AHI1: variants seen among roughly 807,000 people sequenced by gnomAD.
AHI1 encodes the protein jouberin.
AHI1 carries 123 observed loss-of-function variants against 149.3 expected under a neutral mutation model. That is an observed-to-expected ratio of 0.82 (90% confidence interval 0.71 to 0.96). The LOEUF (loss-of-function observed/expected upper bound fraction) is 0.96, where lower values mean the gene tolerates loss of function less well. Ranked by LOEUF, AHI1 falls within the 40% of genes least tolerant of loss-of-function variation. The pLI is 0.00. For missense variants in AHI1, 1,439 were observed against 1,422.7 expected (o/e 1.01, Z -0.18); for synonymous variants, 475 against 459.8 (o/e 1.03, Z -0.42).
At chr6:135,438,123 T>C (rs1317212008) in intron 15 of AHI1, among the ~76,000 whole-genome samples, 1 of 152,102 alleles carries the variant, frequency 6.6e-6, no homozygotes, top group Non-Finnish European at 1.5e-5. Context: ...ATTAATCAGT[T>C]TACATAATGA....
chr6:135,392,859 T>C (rs900200009), intron 23 of AHI1, among the ~76,000 whole-genome samples: 2 of 152,186 alleles, frequency 1.3e-5, no homozygotes, highest in Admixed American at 1.3e-4. Flanking sequence ...CTAGCTCACC[T>C]GGTTCCTAAG....
At chr6:135,481,390 G>C (rs1793615252) in intron 5 of AHI1, among the ~76,000 whole-genome samples, 1 of 151,888 alleles carries the variant, frequency 6.6e-6, no homozygotes, top group African/African-American at 2.4e-5. Context: ...GATTTCTTTG[G>C]ATTTTGTATA....
At chr6:135,450,959 A>C (rs1787996897) in intron 11 of AHI1, among the ~76,000 whole-genome samples, 1 of 151,948 alleles carries the variant, frequency 6.6e-6, no homozygotes, top group South Asian at 2.1e-4. Flanking sequence ...TACCAACAGG[A>C]TAGGTAATAA....
chr6:135,455,775 G>A lies in AHI1; in HGVS notation c.1303C>T (p.Arg435Ter), dbSNP rs121434349. 4 of 1,602,928 alleles carry A rather than the reference G, an allele frequency of 2.5e-6. No homozygotes were observed. Among genetic ancestry groups the A allele is most frequent in the Non-Finnish European group, 2.6e-6 (3 of 1,173,852 alleles). ...VFNENFPYLL[R>*]GSDESPKVIL... is the part of the protein sequence containing the mutation. ...ACTTTAGGACTCTCATCAGAGCCTC[G>A]AAGCAAATAGGGAAAATTTTCATTA... Residue 435 changes from arginine to a stop codon, truncating the protein, a stop_gained, in exon 10 of 29, where the codon CGA becomes TGA. Coordinates refer to ENST00000265602, the MANE Select transcript of AHI1 (RefSeq NM_001134831.2). LOFTEE classifies it high-confidence loss of function.
chr6:135,492,468 T>C, intron 3 of AHI1, 177 bp from the exon 4 acceptor site: 1 of 1,229,408 alleles, frequency 8.1e-7, no homozygotes, highest in South Asian at 3.6e-5. Context: ...TGAATCAGTT[T>C]AGGGCTCTAA....
At chr6:135,425,483 T>C (rs1274430760) in intron 20 of AHI1, among the ~76,000 whole-genome samples, 2 of 151,908 alleles carry the variant, frequency 1.3e-5, no homozygotes, top group Non-Finnish European at 2.9e-5. Context: ...CAAGCATATA[T>C]TGGTTGGATG....
At chr6:135,287,270 GAGA>G (rs1187652068) in intron 28 of AHI1, among the ~76,000 whole-genome samples, 3 of 152,082 alleles carry the variant, frequency 2.0e-5, no homozygotes, top group African/African-American at 7.3e-5. Context: ...GGACCTTCAG[GAGA>G]AGAACCCAAA....
Position 135,411,450 on chromosome 6 carries a change from T to C in AHI1, c.2859A>G (p.Pro953=). Residue 953 remains proline, a synonymous_variant, in exon 21 of 29, where the codon CCA becomes CCG. Coordinates refer to ENST00000265602, the MANE Select transcript of AHI1 (RefSeq NM_001134831.2). ...HQSQDALCTC[P]KLPHQGSFQI... Reference sequence around the variant, plus strand: ...GAAAAGAGCCTTGATGGGGTAGTTTTGGACAGGTACATAGGGCATCTTGAC... The same window carrying C: ...GAAAAGAGCCTTGATGGGGTAGTTTCGGACAGGTACATAGGGCATCTTGAC... 5.0e-6 allele frequency: 8 copies of C among 1,613,824 alleles called. No homozygotes were observed. The highest frequency in any genetic ancestry group is 6.8e-6 in the Non-Finnish European group (8 of 1,179,760).
intron 23 of AHI1, chr6:135,388,163 T>C (rs545085352): frequency 2.0e-6 from 2 of 988,084 alleles, no homozygotes; most frequent in Admixed American, 4.8e-5. Context: ...CCTATTAATC[T>C]ACAATAGTGA....
At chr6:135,496,283 A>T (rs1261434848) in intron 2 of AHI1, among the ~76,000 whole-genome samples, 1 of 151,974 alleles carries the variant, frequency 6.6e-6, no homozygotes, top group East Asian at 1.9e-4. Context: ...CACCCAGCTA[A>T]TTTTTGTATT....
chr6:135,327,896 A>G (rs7772557), intron 24 of AHI1, among the ~76,000 whole-genome samples: 2,667 of 152,270 alleles, frequency 0.018, 77 homozygotes, highest in African/African-American at 0.061. Context: ...TCCTTCATAG[A>G]TCGCTCTACG....
chr6:135,437,122 G>A (rs554774797), intron 15 of AHI1, among the ~76,000 whole-genome samples: 16 of 152,152 alleles, frequency 1.1e-4, no homozygotes, highest in Non-Finnish European at 2.2e-4. Context: ...GGAAATATAC[G>A]AAGATCATGT....
chr6:135,423,924 C>T (rs1040740434), intron 20 of AHI1, among the ~76,000 whole-genome samples: 20 of 151,296 alleles, frequency 1.3e-4, no homozygotes, highest in Non-Finnish European at 2.6e-4. Context: ...CTTGACTCCA[C>T]TGACTTGACT....
At position 135,442,587 on chromosome 6, in the gene AHI1, A is replaced by G; in HGVS notation, c.1907T>C (p.Ile636Thr). The change falls in exon 14 of 29, where the codon ATT becomes ACT. Residue 636 changes from isoleucine (I) to threonine (T), a missense_variant. Coordinates refer to ENST00000265602, the MANE Select transcript of AHI1 (RefSeq NM_001134831.2). ...CAGGTAGGATTATTACTCACAAATA[A>G]TTGGATATCCATCCCGGCTGGCACA... Reference protein sequence around the residue: ...AACASRDGYPIILYEIPSGRF... With the variant: ...AACASRDGYPTILYEIPSGRF... 1 of 1,607,696 alleles carries G rather than the reference A, an allele frequency of 6.2e-7. No homozygotes were observed. Among genetic ancestry groups the G allele is most frequent in the South Asian group, 1.1e-5 (1 of 89,656 alleles).
intron 23 of AHI1, chr6:135,394,560 T>C (rs1478827025): frequency 3.6e-6 from 2 of 552,812 alleles, no homozygotes; most frequent in African/African-American, 1.9e-5. Flanking sequence ...TATCTGTTAA[T>C]AGCACATAGG....
intron 24 of AHI1, among the ~76,000 whole-genome samples, chr6:135,357,331 C>T (rs1793147704): frequency 6.6e-6 from 1 of 152,206 alleles, no homozygotes; most frequent in South Asian, 2.1e-4. Context: ...TGAACATTGA[C>T]ATGACTTTCA....
At chr6:135,490,361 T>G in intron 5 of AHI1, 2 of 655,530 alleles carry the variant, frequency 3.1e-6, no homozygotes, top group Non-Finnish European at 2.7e-6. Context: ...CATGGCTAGT[T>G]TTGAGTTTCC....
intron 24 of AHI1, among the ~76,000 whole-genome samples, chr6:135,325,108 C>A (rs2128387508): frequency 6.6e-6 from 1 of 151,798 alleles, no homozygotes; most frequent in South Asian, 2.1e-4. Flanking sequence ...CTCACTGCAA[C>A]CTCCGCCACC....
chr6:135,308,953 G>C (rs1310511742), intron 26 of AHI1, among the ~76,000 whole-genome samples: 1 of 152,170 alleles, frequency 6.6e-6, no homozygotes, highest in Non-Finnish European at 1.5e-5. Context: ...AGAGTTAAGA[G>C]GGTCCTGGAA....
Sources: gnomAD v4.1 joint callset for allele counts (sites outside exome capture counted in the v4.1 genomes callset) on GRCh38, gnomAD v4.1.1 for gene constraint, MANE v1.5 for transcripts, NCBI Gene and HGNC (gene_info 2026-07-23, HGNC 2026-07-21) for gene names.